The following FEZF1 variants were observed in gnomAD, a reference collection of about 807,000 sequenced individuals.
FEZF1 encodes the protein FEZ family zinc finger 1, also known as fez family zinc finger protein 1.
In FEZF1, 8 loss-of-function variants were observed where a neutral mutation model predicts 32.4. The observed-to-expected ratio is 0.25, with a 90% CI of 0.15 to 0.45. FEZF1 has a LOEUF of 0.45. Among genes scored for constraint, FEZF1 ranks in the 20% least tolerant of loss-of-function variants. The probability of loss-of-function intolerance (pLI) is 1.00; values close to 1 mark genes in which losing one functional copy is unlikely to be tolerated. For missense variants in FEZF1, 546 were observed against 622.3 expected (o/e 0.88, Z 1.31); for synonymous variants, 259 against 265.2 (o/e 0.98, Z 0.23).
Position 122,303,898 on chromosome 7 carries a change from C to G in FEZF1, c.540G>C (p.Pro180=). The G allele has an allele frequency of 6.2e-7, 1 of 1,613,804 alleles. No individual in the cohort carries two copies. The highest frequency in any genetic ancestry group is 2.2e-5 in the East Asian group (1 of 44,862). The part of the protein sequence containing the change: ...CHPAAGVNIH[P]VASYFLSSPL... ...GGGAACTGAGGAAGTAGGAGGCCAC[C>G]GGGTGGATGTTCACGCCGGCTGCCG... Residue 180 remains proline (P), a synonymous_variant, in exon 1 of 4, where the codon CCG becomes CCC. Transcript: ENST00000442488.
At position 122,301,813 on chromosome 7, in the gene FEZF1, C is replaced by A. The variant is rs1362859234; in HGVS notation, c.*184G>T. On this transcript the variant is annotated 3_prime_UTR_variant, in exon 4 of 4. Coordinates refer to ENST00000442488, the MANE Select transcript of FEZF1 (RefSeq NM_001024613.4). ...TAGTGCCTATATAGAATATAATACACAAAACCATTTAGCAGGTGCATGCAA... is the reference window on the plus strand; with the variant it reads ...TAGTGCCTATATAGAATATAATACAAAAAACCATTTAGCAGGTGCATGCAA... 12 of 727,716 alleles carry A rather than the reference C, an allele frequency of 1.6e-5. No homozygotes were observed. Among genetic ancestry groups the A allele is most frequent in the Non-Finnish European group, 2.4e-5 (11 of 458,300 alleles). 45.1% of individuals were successfully genotyped at this position (727,716 alleles called of 1,614,324 possible).
At chr7:122,304,753 A>G (rs2031220334), upstream of FEZF1, 1 of 328,714 alleles carries the variant, frequency 3.0e-6, no homozygotes, top group Non-Finnish European at 5.8e-6. Flanking sequence ...GGTAAACTAG[A>G]TAATTGCTCA....
Position 122,302,032 on chromosome 7 carries a change from G to A in FEZF1, c.1393C>T (p.Pro465Ser), listed in dbSNP as rs1465527727. 1.0e-5 allele frequency: 16 copies of A among 1,600,364 alleles called. No individual in the cohort carries two copies. In the Admixed American group the frequency reaches 2.0e-4, roughly 20 times the overall value. ...CCCTGGTGGAGCCCGGGCTGCAGGG[G>A]CCCCGGGGTTGGCAGCGGCGGCTGC... ...PLQPPLPTPG[P>S]LQPGLHQGHQ Residue 465 changes from proline to serine, a missense_variant, in exon 4 of 4, where the codon CCC becomes TCC. Pro to Ser is a moderately conservative substitution (Grantham distance 74, BLOSUM62 -1). Transcript: ENST00000442488. This position sits in a 1 kb window ranked among gnomAD's most constrained non-coding sequence, Gnocchi z 4.4.
rs2031070374 is a variant in FEZF1, at chr7:122,302,247, G to A, written c.1178C>T (p.Thr393Ile). ...QVYNLTFHMH[T>I]HNDKKPFTCP... The stretch of plus-strand genomic sequence containing the variant: ...GGTGAAAGGCTTCTTGTCGTTGTGG[G>A]TGTGCATGTGGAAGGTGAGGTTGTA... The change falls in exon 4 of 4, where the codon ACC (threonine) becomes ATC (isoleucine). Residue 393 changes from threonine to isoleucine, a missense_variant. Transcript: ENST00000442488. The surrounding 1 kb of genome is among the most constrained non-coding windows in gnomAD (Gnocchi z 4.4). 6.2e-7 allele frequency: 1 copy of A among 1,614,078 alleles called. No individual in the cohort carries two copies.
intron 2 of FEZF1, 54 bp downstream of exon 2, chr7:122,303,123 T>A (rs2031104824): frequency 2.5e-6 from 4 of 1,611,686 alleles, no homozygotes; most frequent in Non-Finnish European, 3.4e-6. Flanking sequence ...ATCGGCTGTT[T>A]TTCTGCAAAC....
In FEZF1 at chr7:122,303,923, G is replaced by A. The variant is rs534580940; in HGVS notation, c.515C>T (p.Pro172Leu). ...CGGGTGGATGTTCACGCCGGCTGCC[G>A]GGTGGCATGGGCCGTCACCTCGGTT... is the stretch of plus-strand genomic sequence containing the variant. ...YLNRGDGPCH[P>L]AAGVNIHPVA... The change falls in exon 1 of 4, where the codon CCG (proline) becomes CTG (leucine). Residue 172 changes from proline (P) to leucine (L), a missense_variant. Around this residue, in one of 3 missense-constraint regions of FEZF1, gnomAD observed 345 missense variants for 360.6 expected, o/e 0.96. Transcript: ENST00000442488. The A allele has an allele frequency of 6.8e-6, 11 of 1,611,490 alleles. No individual in the cohort carries two copies. Among genetic ancestry groups the A allele is most frequent in the Admixed American group, 1.7e-5 (1 of 59,576 alleles).
In FEZF1 at chr7:122,302,870, G is replaced by C. The variant is rs779053523; in HGVS notation, c.998C>G (p.Thr333Ser). The C allele has an allele frequency of 6.2e-7, 1 of 1,613,924 alleles. No individual in the cohort carries two copies. The highest frequency in any genetic ancestry group is 1.1e-5 in the South Asian group (1 of 90,984). Residue 333 changes from threonine to serine, a missense_variant, in exon 3 of 4, where the codon ACT becomes AGT. Physicochemically the swap from Thr to Ser is moderately conservative, Grantham distance 58. Around this residue, in one of 3 missense-constraint regions of FEZF1, gnomAD observed 118 missense variants for 188.7 expected, o/e 0.63. Coordinates refer to ENST00000442488, the MANE Select transcript of FEZF1 (RefSeq NM_001024613.4). This position sits in a 1 kb window ranked among gnomAD's most constrained non-coding sequence, Gnocchi z 4.4. The stretch of plus-strand genomic sequence containing the variant: ...GTAGCCCGCGTGTATTCGGGTATGA[G>C]TGTTTAAAGTGGAACTTCTATTAAA... ...KAFNRSSTLN[T>S]HTRIHAGYKP...
At position 122,302,398 on chromosome 7, in the gene FEZF1, AT is replaced by A; in HGVS notation, c.1070-44del. The stretch of plus-strand genomic sequence containing the variant: ...CAGGAATATGGTTCTGAAAAAAAAA[AT>A]AGCTTAAAAAGGGAGGAGCAGACAC... On this transcript the variant is annotated intron_variant, in intron 3 of 3. Transcript: ENST00000442488. This position sits in a 1 kb window ranked among gnomAD's most constrained non-coding sequence, Gnocchi z 4.4. 1 of 1,608,860 alleles carries A rather than the reference AT, an allele frequency of 6.2e-7. No homozygotes were observed. The highest frequency in any genetic ancestry group is 1.4e-5 in the African/African-American group (1 of 73,544).
At chr7:122,309,985 C>T (rs1343258895) in intron 1 of FEZF1, 1 of 152,234 alleles carries the variant, frequency 6.6e-6, no homozygotes, top group Admixed American at 6.5e-5. Context: ...TCGACTGTTT[C>T]CTTGACACTA....
In FEZF1 at chr7:122,302,818, G is replaced by T. The variant is rs764033610; in HGVS notation, c.1050C>A (p.Gly350=). The change falls in exon 3 of 4, where the codon GGC becomes GGA. Residue 350 remains glycine (G), a synonymous_variant. Transcript: ENST00000442488. The surrounding 1 kb of genome is among the most constrained non-coding windows in gnomAD (Gnocchi z 4.4). ...GYKPFVCEFC[G]KGFHQKGNYK... is the part of the protein sequence containing the mutation. Reference sequence around the variant, plus strand: ...GCATACCTTTTTGATGAAACCCTTTGCCACAGAATTCACACACAAACGGTT... The same window carrying T: ...GCATACCTTTTTGATGAAACCCTTTTCCACAGAATTCACACACAAACGGTT... 1 of 1,613,914 alleles carries T rather than the reference G, an allele frequency of 6.2e-7. No homozygotes were observed. The highest frequency in any genetic ancestry group is 8.5e-7 in the Non-Finnish European group (1 of 1,179,958).
chr7:122,309,257 A>G (rs2031362909), upstream of FEZF1, among the ~76,000 whole-genome samples: 2 of 152,222 alleles, frequency 1.3e-5, no homozygotes, highest in African/African-American at 4.8e-5. Flanking sequence ...AGCAATGTGA[A>G]GGACAGTATC....
At chr7:122,303,382 G>A in intron 1 of FEZF1, 71 bp from the exon 2 acceptor site, 1 of 1,564,186 alleles carries the variant, frequency 6.4e-7, no homozygotes, top group Non-Finnish European at 8.8e-7. Context: ...GCAGAGAGAG[G>A]GTAGGAGGAA....
In FEZF1 at chr7:122,303,193, T is replaced by C. The variant is rs1488430898; in HGVS notation, c.920A>G (p.Lys307Arg). Residue 307 changes from lysine (K) to arginine (R), a missense_variant, in exon 2 of 4, where the codon AAG becomes AGG. Around this residue, in one of 3 missense-constraint regions of FEZF1, gnomAD observed 118 missense variants for 188.7 expected, o/e 0.63. Coordinates refer to ENST00000442488, the MANE Select transcript of FEZF1 (RefSeq NM_001024613.4). Reference protein sequence around the residue: ...FRQASTLCRHKIIHTQEKPHK... With the variant: ...FRQASTLCRHRIIHTQEKPHK... ...TGAACACACCTGCGTGTGAATGATC[T>C]TGTGCCTGCACAGGGTGCTTGCTTG... is the stretch of plus-strand genomic sequence containing the variant. 4 of 1,614,078 alleles carry C rather than the reference T, an allele frequency of 2.5e-6. No homozygotes were observed. Among genetic ancestry groups the C allele is most frequent in the Non-Finnish European group, 3.4e-6 (4 of 1,180,050 alleles).
rs746231446 is a variant in FEZF1, at chr7:122,304,162, G to A, written c.276C>T (p.Gly92=). Residue 92 remains glycine, a synonymous_variant, in exon 1 of 4, where the codon GGC becomes GGT. Coordinates refer to ENST00000442488, the MANE Select transcript of FEZF1 (RefSeq NM_001024613.4). ...YDTSPKAGVT[G]SEPRKASLEA... ...CCAGACTGGCCTTCCGCGGCTCGGA[G>A]CCCGTCACTCCTGCCTTGGGGCTCG... 4 of 1,602,740 alleles carry A rather than the reference G, an allele frequency of 2.5e-6. No individual in the cohort carries two copies.
chr7:122,302,904 C>A lies in FEZF1; in HGVS notation c.964G>T (p.Gly322Cys). The change falls in exon 3 of 4, where the codon GGC (glycine) becomes TGC (cysteine). Residue 322 changes from glycine (G) to cysteine (C), a missense_variant. Physicochemically the swap from Gly to Cys is radical, Grantham distance 159. Transcript: ENST00000442488. This position sits in a 1 kb window ranked among gnomAD's most constrained non-coding sequence, Gnocchi z 4.4. Reference sequence around the variant, plus strand: ...GTGGAACTTCTATTAAATGCTTTGCCACACTGGTTACATTTGTGAGGTTTT... The same window carrying A: ...GTGGAACTTCTATTAAATGCTTTGCAACACTGGTTACATTTGTGAGGTTTT... ...QEKPHKCNQC[G>C]KAFNRSSTLN... 1 of 1,612,868 alleles carries A rather than the reference C, an allele frequency of 6.2e-7. No homozygotes were observed. Among genetic ancestry groups the A allele is most frequent in the South Asian group, 1.1e-5 (1 of 90,718 alleles).
In FEZF1 at chr7:122,303,298, T is replaced by C; in HGVS notation, c.815A>G (p.His272Arg). The C allele has an allele frequency of 6.2e-7, 1 of 1,614,076 alleles. No individual in the cohort carries two copies. The highest frequency in any genetic ancestry group is 8.5e-7 in the Non-Finnish European group (1 of 1,180,028). Reference sequence around the variant, plus strand: ...TGGCATGTGACGGGTTAAGTTATAGTGCGCATTAAAGACCTTAAAATTAAA... The same window carrying C: ...TGGCATGTGACGGGTTAAGTTATAGCGCGCATTAAAGACCTTAAAATTAAA... ...CEVCGKVFNA[H>R]YNLTRHMPVH... The change falls in exon 2 of 4, where the codon CAC becomes CGC. Residue 272 changes from histidine to arginine, a missense_variant. This residue lies in a region of FEZF1 where 345 missense variants were observed against 360.6 expected (regional missense o/e 0.96). Coordinates refer to ENST00000442488, the MANE Select transcript of FEZF1 (RefSeq NM_001024613.4).
At chr7:122,305,182 T>C (rs1383629511), upstream of FEZF1, 1 of 151,996 alleles carries the variant, frequency 6.6e-6, no homozygotes, top group African/African-American at 2.4e-5. Flanking sequence ...GGCAGTGAAA[T>C]CCGAGGTTTC....
upstream of FEZF1, among the ~76,000 whole-genome samples, chr7:122,308,111 A>C (rs1179064712): frequency 1.3e-5 from 2 of 152,242 alleles, no homozygotes; most frequent in Non-Finnish European, 2.9e-5. Context: ...TTAATGGCAA[A>C]ATAGAAACTC....
intron 2 of FEZF1, 57 bp downstream of exon 2, chr7:122,303,120 G>C: frequency 6.2e-7 from 1 of 1,610,898 alleles, no homozygotes; most frequent in Non-Finnish European, 8.5e-7. Flanking sequence ...TTTATCGGCT[G>C]TTTTTCTGCA....
Sources: allele counts gnomAD v4.1 joint callset (sites outside exome capture counted in the v4.1 genomes callset), GRCh38; gene constraint gnomAD v4.1.1; regional missense constraint gnomAD v4.1.1; non-coding constraint Gnocchi (gnomAD v3.1); transcripts MANE v1.5; gene names NCBI Gene and HGNC (gene_info 2026-07-23, HGNC 2026-07-21).